UBE3A: variants seen among roughly 807,000 people sequenced by gnomAD.
UBE3A encodes ubiquitin-protein ligase E3A.
UBE3A carries 6 observed loss-of-function variants against 83.4 expected under a neutral mutation model. The ratio of observed to expected loss-of-function variants is 0.07; its 90% CI spans 0.04 to 0.14. The LOEUF (loss-of-function observed/expected upper bound fraction) is 0.14, where lower values mean the gene tolerates loss of function less well. UBE3A is among the 10% of genes least tolerant of loss of function. The probability of loss-of-function intolerance (pLI) is 1.00; values close to 1 mark genes in which losing one functional copy is unlikely to be tolerated. For missense variants in UBE3A, 456 were observed against 1,036.1 expected (o/e 0.44, Z 7.69); for synonymous variants, 337 against 355.4 (o/e 0.95, Z 0.58).
At chr15:25,376,059 C>T (rs1025135079) in intron 4 of UBE3A, among the ~76,000 whole-genome samples, 23 of 152,026 alleles carry the variant, frequency 1.5e-4, no homozygotes, top group African/African-American at 5.3e-4. Context: ...GGTATATGTG[C>T]TTAAGTTGTT....
chr15:25,410,281 C>T (rs2089691600), intron 2 of UBE3A, among the ~76,000 whole-genome samples: 1 of 152,180 alleles, frequency 6.6e-6, no homozygotes, highest in Non-Finnish European at 1.5e-5. Context: ...CCTCCCTCAA[C>T]CAAATATCTT....
intron 1 of UBE3A, among the ~76,000 whole-genome samples, chr15:25,433,776 T>G (rs1894190214): frequency 6.6e-6 from 1 of 152,140 alleles, no homozygotes; most frequent in Non-Finnish European, 1.5e-5. Flanking sequence ...CAAAGACCAG[T>G]ATTTTTTAAA....
At chr15:25,389,236 G>C (rs757664557) in intron 4 of UBE3A, among the ~76,000 whole-genome samples, 1 of 138,820 alleles carries the variant, frequency 7.2e-6, no homozygotes, top group East Asian at 2.2e-4. Flanking sequence ...TCAATAAACA[G>C]TGGTAATAAC....
rs1400802003 is a variant in UBE3A at position 25,367,313 on chromosome 15, T to A, written c.1608+3253A>T. On this transcript the variant is annotated intron_variant, in intron 6 of 12. Coordinates refer to ENST00000648336, the MANE Select transcript of UBE3A (RefSeq NM_130839.5). ...AAATTAATTTACATATTAAATTAAA[T>A]TACATATTTATATTAAAAATGTAAA... Among the ~76,000 whole-genome samples, 5 of 140,456 alleles carry A rather than the reference T, an allele frequency of 3.6e-5. No homozygotes were observed. The East Asian group carries it at 1.1e-3, about 30-fold the overall frequency. 92.1% of individuals were successfully genotyped at this position (140,456 alleles called of 152,430 possible).
Position 25,355,977 on chromosome 15 carries a change from G to A in UBE3A, c.2039C>T (p.Ser680Leu). 6.2e-7 allele frequency: 1 copy of A among 1,613,636 alleles called. No homozygotes were observed. The highest frequency in any genetic ancestry group is 8.5e-7 in the Non-Finnish European group (1 of 1,179,756). Reference protein sequence around the residue: ...EDDMMITFQISQTDLFGNPMM... With the variant: ...EDDMMITFQILQTDLFGNPMM... ...TGGGTTACCAAAAAGATCTGTCTGTGATATCTGGAAAGTGATCATCATGTC... is the reference window on the plus strand; with the variant it reads ...TGGGTTACCAAAAAGATCTGTCTGTAATATCTGGAAAGTGATCATCATGTC... The change falls in exon 9 of 13, where the codon TCA becomes TTA. Residue 680 changes from serine (S) to leucine (L), a missense_variant. Physicochemically the swap from Ser to Leu is moderately radical, Grantham distance 145. Around this residue, in one of 13 missense-constraint regions of UBE3A, gnomAD observed 82 missense variants for 199.3 expected, o/e 0.41. Transcript: ENST00000648336.
chr15:25,336,823 T>A lies in UBE3A; in HGVS notation c.*2314A>T, dbSNP rs1382689667. 1.3e-5 allele frequency: 2 copies of A among 152,144 alleles called. No homozygotes were observed. Among genetic ancestry groups the A allele is most frequent in the Non-Finnish European group, 2.9e-5 (2 of 68,008 alleles). 9.4% of individuals were successfully genotyped at this position (152,144 alleles called of 1,614,324 possible). On this transcript the variant is annotated 3_prime_UTR_variant, in exon 13 of 13. Coordinates refer to ENST00000648336, the MANE Select transcript of UBE3A (RefSeq NM_130839.5). ...GAGCTTCCTGGAGATTGAGGTCTAA[T>A]TCAAAGAAAACCAAAATATATAATA...
intron 4 of UBE3A, among the ~76,000 whole-genome samples, chr15:25,384,896 A>C (rs1259218566): frequency 6.6e-6 from 1 of 152,194 alleles, no homozygotes; most frequent in Admixed American, 6.5e-5. Flanking sequence ...GAAATCTGGA[A>C]TCTAACATGC....
Position 25,339,263 on chromosome 15 carries a change from T to A in UBE3A, c.2499-6A>T. 1 of 1,611,442 alleles carries A rather than the reference T, an allele frequency of 6.2e-7. No homozygotes were observed. Among genetic ancestry groups the A allele is most frequent in the Non-Finnish European group, 8.5e-7 (1 of 1,178,872 alleles). The stretch of plus-strand genomic sequence containing the variant: ...AAGTATGAGATGTAGGTAACCTAAA[T>A]AGAGAAAAGGGGAAAAAAACAGGAA... On this transcript the variant is annotated splice_region_variant and splice_polypyrimidine_tract_variant and intron_variant, in intron 12 of 12. Coordinates refer to ENST00000648336, the MANE Select transcript of UBE3A (RefSeq NM_130839.5).
intron 9 of UBE3A, among the ~76,000 whole-genome samples, chr15:25,355,530 C>G (rs28379525): frequency 2.0e-5 from 3 of 152,114 alleles, no homozygotes; most frequent in African/African-American, 4.8e-5. Flanking sequence ...ACAGGATATA[C>G]ATGTGTAAAT....
chr15:25,392,870 G>A (rs2084727647), intron 4 of UBE3A, among the ~76,000 whole-genome samples: 1 of 152,170 alleles, frequency 6.6e-6, no homozygotes, highest in African/African-American at 2.4e-5. Flanking sequence ...GACCTCAATA[G>A]CCATGATAAG....
rs749731066 is a variant in UBE3A at position 25,360,408 on chromosome 15, C to T, written c.1728G>A (p.Val576=). ...GVSKEFFQLV[V]EEIFNPDIGM... Reference sequence around the variant, plus strand: ...CAATATCTGGATTGAAGATTTCCTCCACAACCAGCTGAAAAAATTCTTTGG... The same window carrying T: ...CAATATCTGGATTGAAGATTTCCTCTACAACCAGCTGAAAAAATTCTTTGG... The change falls in exon 7 of 13, where the codon GTG becomes GTA. Residue 576 remains valine (V), a synonymous_variant. Transcript: ENST00000648336. 2.7e-5 allele frequency: 44 copies of T among 1,613,638 alleles called. No individual in the cohort carries two copies. The highest frequency in any genetic ancestry group is 5.3e-5 in the African/African-American group (4 of 74,872).
At chr15:25,378,657 A>G (rs2081634356) in intron 4 of UBE3A, among the ~76,000 whole-genome samples, 1 of 152,180 alleles carries the variant, frequency 6.6e-6, no homozygotes. Context: ...GGAGTCTTTC[A>G]GCTTCAGAGT....
intron 4 of UBE3A, among the ~76,000 whole-genome samples, chr15:25,381,247 T>C (rs2082116147): frequency 6.6e-6 from 1 of 152,226 alleles, no homozygotes; most frequent in Admixed American, 6.5e-5. Flanking sequence ...ATGTGATATC[T>C]GTCTTTCCGT....
At position 25,355,944 on chromosome 15, in the gene UBE3A, T is replaced by C. The variant is rs2077163918; in HGVS notation, c.2072A>G (p.Tyr691Cys). 1 of 1,613,720 alleles carries C rather than the reference T, an allele frequency of 6.2e-7. No individual in the cohort carries two copies. Among genetic ancestry groups the C allele is most frequent in the Non-Finnish European group, 8.5e-7 (1 of 1,179,760 alleles). Reference protein sequence around the residue: ...QTDLFGNPMMYDLKENGDKIP... With the variant: ...QTDLFGNPMMCDLKENGDKIP... ...TTTATCACCATTTTCCTTTAGATCA[T>C]ACATCATTGGGTTACCAAAAAGATC... The change falls in exon 9 of 13, where the codon TAT becomes TGT. Residue 691 changes from tyrosine (Y) to cysteine (C), a missense_variant. Physicochemically the swap from Tyr to Cys is radical, Grantham distance 194 (BLOSUM62 -2). Transcript: ENST00000648336.
intron 4 of UBE3A, among the ~76,000 whole-genome samples, chr15:25,400,379 C>T (rs2086793954): frequency 6.6e-6 from 1 of 152,162 alleles, no homozygotes; most frequent in Non-Finnish European, 1.5e-5. Flanking sequence ...TACTTTAAAT[C>T]ATTACTTAGT....
In UBE3A at chr15:25,371,094, A is replaced by G. The variant is rs756184438; in HGVS notation, c.1080T>C (p.Asn360=). ...SNEFNSRNLV[N]DDDAIVAASK... ...AAGCAGCAACAATGGCATCATCATC[A>G]TTCACTAGATTTCGACTGTTAAATT... Residue 360 remains asparagine (N), a synonymous_variant, in exon 6 of 13, where the codon AAT becomes AAC. Coordinates refer to ENST00000648336, the MANE Select transcript of UBE3A (RefSeq NM_130839.5). This position sits in a 1 kb window ranked among gnomAD's most constrained non-coding sequence, Gnocchi z 5.3. 1.9e-6 allele frequency: 3 copies of G among 1,614,094 alleles called. No individual in the cohort carries two copies. The highest frequency in any genetic ancestry group is 4.5e-5 in the East Asian group (2 of 44,874).
intron 4 of UBE3A, among the ~76,000 whole-genome samples, chr15:25,384,076 T>C (rs982158892): frequency 6.6e-6 from 1 of 152,162 alleles, no homozygotes; most frequent in Non-Finnish European, 1.5e-5. Context: ...AGGAAATTAA[T>C]TTTTTAAACC....
intron 11 of UBE3A, among the ~76,000 whole-genome samples, chr15:25,348,261 G>A (rs764960639): frequency 8.6e-5 from 13 of 151,836 alleles, no homozygotes; most frequent in Non-Finnish European, 1.2e-4. Context: ...GATTTTTAAC[G>A]TATGTGAAAA....
intron 4 of UBE3A, among the ~76,000 whole-genome samples, chr15:25,395,875 T>G (rs2085443645): frequency 6.6e-6 from 1 of 152,200 alleles, no homozygotes; most frequent in African/African-American, 2.4e-5. Context: ...AAACATAGCC[T>G]TAGTGTTAGA....
Sources: gnomAD v4.1 joint callset for allele counts (sites outside exome capture counted in the v4.1 genomes callset) on GRCh38, gnomAD v4.1.1 for gene constraint, gnomAD v4.1.1 regional missense constraint, Gnocchi (gnomAD v3.1) non-coding constraint, MANE v1.5 for transcripts, NCBI Gene and HGNC (gene_info 2026-07-23, HGNC 2026-07-21) for gene names.